Variants in PDE1A observed in about 807,000 individuals in gnomAD.
PDE1A encodes dual specificity calcium/calmodulin-dependent 3',5'-cyclic nucleotide phosphodiesterase 1A.
PDE1A carries 35 observed loss-of-function variants against 61.7 expected under a neutral mutation model. The observed-to-expected ratio is 0.57, with a 90% CI of 0.43 to 0.75. The LOEUF is 0.75. PDE1A is among the 30% of genes least tolerant of loss of function. The pLI is 0.00. For missense variants in PDE1A, 597 were observed against 630.6 expected, an observed-to-expected ratio of 0.95 and a Z score of 0.57; for synonymous variants, 232 against 213.2, an observed-to-expected ratio of 1.09 and a Z score of -0.77.
At chr2:182,375,297 T>C (rs1323706993) in intron 1 of PDE1A, among the ~76,000 whole-genome samples, 1 of 152,202 alleles carries the variant, frequency 6.6e-6, no homozygotes, top group Admixed American at 6.5e-5. Context: ...AGCAGGTCCC[T>C]TCCAACTTTG....
intron 2 of PDE1A, among the ~76,000 whole-genome samples, chr2:182,493,290 T>A (rs115355980): frequency 0.013 from 1,932 of 151,854 alleles, 43 homozygotes; most frequent in African/African-American, 0.045. Flanking sequence ...GGTCTTTTTT[T>A]ATATATATAT....
At chr2:182,399,156 G>A (rs1328536241) in intron 1 of PDE1A, among the ~76,000 whole-genome samples, 1 of 151,446 alleles carries the variant, frequency 6.6e-6, no homozygotes, top group Admixed American at 6.6e-5. Flanking sequence ...ATATTTTGGA[G>A]GACTATGTTT....
At chr2:182,244,159 G>A (rs779086555) in intron 2 of PDE1A, among the ~76,000 whole-genome samples, 85 of 152,236 alleles carry the variant, frequency 5.6e-4, no homozygotes, top group Middle Eastern at 3.4e-3. Flanking sequence ...GAGCCACAAC[G>A]CCCGGCCTTA....
At chr2:182,668,130 A>G in the PDE1A span, among the ~76,000 whole-genome samples, 1 of 152,204 alleles carries the variant, frequency 6.6e-6, no homozygotes, top group African/African-American at 2.4e-5. Flanking sequence ...GCTGAGAGGT[A>G]TTAGTCCATG....
At chr2:182,146,879 T>G (rs186606876), downstream of PDE1A, among the ~76,000 whole-genome samples, 7 of 152,292 alleles carry the variant, frequency 4.6e-5, no homozygotes, top group African/African-American at 1.7e-4. Context: ...AAGGTAAATA[T>G]TTAAAGTTTA....
the PDE1A span, among the ~76,000 whole-genome samples, chr2:182,695,721 T>C: frequency 7.3e-6 from 1 of 137,422 alleles, no homozygotes; most frequent in Non-Finnish European, 1.6e-5. Context: ...AAAGAAAAGA[T>C]AAGCCACAAC....
chr2:182,364,000 A>T (rs1699667698), intron 1 of PDE1A, among the ~76,000 whole-genome samples: 1 of 152,000 alleles, frequency 6.6e-6, no homozygotes, highest in South Asian at 2.1e-4. Flanking sequence ...AATATGCATC[A>T]TGGTTCCATT....
At chr2:182,386,858 G>A (rs530054451) in intron 1 of PDE1A, among the ~76,000 whole-genome samples, 23 of 149,160 alleles carry the variant, frequency 1.5e-4, no homozygotes, top group Non-Finnish European at 2.2e-4. Context: ...GCCTCTGCCC[G>A]GCCGCCCCTT....
chr2:182,558,079 T>C, the PDE1A span, among the ~76,000 whole-genome samples: 1 of 152,300 alleles, frequency 6.6e-6, no homozygotes, highest in East Asian at 1.9e-4. Context: ...CTTATAACAG[T>C]TTGAGTTGAA....
chr2:182,147,275 G>T, intron 13 of PDE1A, 123 bp from the exon 14 acceptor site: 1 of 535,940 alleles, frequency 1.9e-6, no homozygotes, highest in Non-Finnish European at 3.2e-6. Flanking sequence ...TGGATTTTGT[G>T]GCACATTTTT....
the PDE1A span, among the ~76,000 whole-genome samples, chr2:182,662,536 A>G: frequency 6.6e-6 from 1 of 152,102 alleles, no homozygotes. Flanking sequence ...ATAAGCCTGC[A>G]CACCTACAAC....
At chr2:182,321,344 A>T (rs1182802562) in intron 1 of PDE1A, among the ~76,000 whole-genome samples, 1 of 152,166 alleles carries the variant, frequency 6.6e-6, no homozygotes, top group African/African-American at 2.4e-5. Flanking sequence ...TTCATTTTTA[A>T]TAGTTCACAA....
chr2:182,146,224 C>G (rs1056757858), downstream of PDE1A, among the ~76,000 whole-genome samples: 9 of 152,124 alleles, frequency 5.9e-5, no homozygotes, highest in Admixed American at 2.6e-4. Flanking sequence ...AGGCATCACT[C>G]CCAGAGTTAA....
chr2:182,525,974 A>C (rs563119450), upstream of PDE1A, among the ~76,000 whole-genome samples: 1 of 152,184 alleles, frequency 6.6e-6, no homozygotes, highest in Non-Finnish European at 1.5e-5. Context: ...GGAAAATCAT[A>C]AACAAAATCC....
intron 7 of PDE1A, among the ~76,000 whole-genome samples, chr2:182,212,724 C>T (rs549166643): frequency 1.1e-4 from 16 of 152,324 alleles, no homozygotes; most frequent in Admixed American, 3.9e-4. Context: ...TAAAAAATGG[C>T]GCACCACGAG....
chr2:182,267,442 C>A (rs901534131), intron 1 of PDE1A, among the ~76,000 whole-genome samples: 1 of 151,694 alleles, frequency 6.6e-6, no homozygotes, highest in Non-Finnish European at 1.5e-5. Flanking sequence ...CACACACACA[C>A]ACACACACAC....
chr2:182,168,980 G>A (rs1421682494), intron 13 of PDE1A, among the ~76,000 whole-genome samples: 1 of 151,954 alleles, frequency 6.6e-6, no homozygotes, highest in Non-Finnish European at 1.5e-5. Flanking sequence ...ATTAAGTCTT[G>A]TGTGCATGTG....
At chr2:182,463,198 C>T (rs956824925) in intron 2 of PDE1A, among the ~76,000 whole-genome samples, 1 of 151,572 alleles carries the variant, frequency 6.6e-6, no homozygotes, top group African/African-American at 2.4e-5. Context: ...GAGAGTGCGC[C>T]ACTGCACTCC....
intron 2 of PDE1A, among the ~76,000 whole-genome samples, chr2:182,456,500 G>C (rs556478066): frequency 6.6e-5 from 10 of 152,106 alleles, no homozygotes; most frequent in African/African-American, 2.4e-4. Context: ...CTAAATAAAA[G>C]TAGTACAATA....
Sources: allele counts gnomAD v4.1 joint callset (sites outside exome capture counted in the v4.1 genomes callset), GRCh38; gene constraint gnomAD v4.1.1; transcripts MANE v1.5; gene names NCBI Gene and HGNC (gene_info 2026-07-23, HGNC 2026-07-21).